Variants in ASPSCR1 observed in about 807,000 individuals in gnomAD.
ASPSCR1 encodes the protein ASPSCR1 tether for SLC2A4, UBX domain containing.
Under a neutral mutation model 68.9 loss-of-function variants are expected in ASPSCR1, and 55 were observed. That is an observed-to-expected ratio of 0.80 (90% CI 0.64 to 1.00). The LOEUF is 1.00. ASPSCR1 is among the 50% of genes least tolerant of loss of function. The probability of loss-of-function intolerance (pLI) is 0.00; values close to 1 mark genes in which losing one functional copy is unlikely to be tolerated. For synonymous variants in ASPSCR1, 352 were observed against 332.6 expected (o/e 1.06, Z -0.63); for missense variants, 765 against 762.2 (o/e 1.00, Z -0.04).
chr17:82,010,028 G>C (rs143947080), intron 9 of ASPSCR1: 8,421 of 335,528 alleles, frequency 0.025, 210 homozygotes, highest in South Asian at 0.058. Context: ...TCCTGCCTCA[G>C]CCTCCCAAGT....
chr17:82,012,891 G>C (rs952149955), intron 12 of ASPSCR1: 1 of 157,362 alleles, frequency 6.4e-6, no homozygotes, highest in African/African-American at 2.4e-5. Flanking sequence ...CAGAAGCAAT[G>C]AATGTCCTGT....
chr17:81,994,207 CCTG>C (rs915324720), intron 4 of ASPSCR1, among the ~76,000 whole-genome samples: 14 of 152,222 alleles, frequency 9.2e-5, no homozygotes, highest in African/African-American at 3.1e-4. Flanking sequence ...AGCTGTGCCT[CCTG>C]CGGGGCGAGG....
intron 15 of ASPSCR1, 70 bp from the exon 16 acceptor site, chr17:82,017,239 G>A (rs1157678042): frequency 1.2e-6 from 2 of 1,602,764 alleles, no homozygotes; most frequent in Non-Finnish European, 1.7e-6. Context: ...GCTTCAGCCG[G>A]GCTGGTGGGC....
chr17:82,010,364 C>G (rs1598430603), intron 9 of ASPSCR1, among the ~76,000 whole-genome samples: 1 of 151,416 alleles, frequency 6.6e-6, no homozygotes. Context: ...CCCATCTCTA[C>G]TAAAAATACA....
At chr17:81,997,967 C>T (rs1157399001) in intron 7 of ASPSCR1, among the ~76,000 whole-genome samples, 1 of 151,970 alleles carries the variant, frequency 6.6e-6, no homozygotes, top group Admixed American at 6.6e-5. Flanking sequence ...GCTGGGACTA[C>T]AGGCGTGTGC....
chr17:82,010,646 G>A (rs954074138), intron 9 of ASPSCR1, among the ~76,000 whole-genome samples, 156 bp from the exon 10 acceptor site: 3 of 152,050 alleles, frequency 2.0e-5, no homozygotes, highest in Admixed American at 6.6e-5. Flanking sequence ...AGCCTGCCAC[G>A]GGGGAGTCAA....
Position 82,011,559 on chromosome 17 carries a change from C to T in ASPSCR1, c.1254C>T (p.Asp418=). The change falls in exon 11 of 16, where the codon GAC becomes GAT. Residue 418 remains aspartate, a synonymous_variant. Coordinates refer to ENST00000306739, the MANE Select transcript of ASPSCR1 (RefSeq NM_024083.4). ...CCTCTGCAGTGGGGGACTTGCGAGA[C>T]TTCGTGAGGAGCCACCTGGGGAACC... is the stretch of plus-strand genomic sequence containing the variant. ...RPSETVGDLR[D]FVRSHLGNPE... 1 of 1,579,080 alleles carries T rather than the reference C, an allele frequency of 6.3e-7. No individual in the cohort carries two copies. Among genetic ancestry groups the T allele is most frequent in the Non-Finnish European group, 8.6e-7 (1 of 1,169,396 alleles).
Position 82,000,783 on chromosome 17 carries a change from G to C in ASPSCR1, c.933+3937G>C, listed in dbSNP as rs1047994750. Among the ~76,000 whole-genome samples, 3 of 152,320 alleles carry C rather than the reference G, an allele frequency of 2.0e-5. No individual in the cohort carries two copies. In the East Asian group the frequency reaches 5.8e-4, roughly 29 times the overall value. ...GGTAGTTTTACTGGCGATCAGAACC[G>C]GGCGCTGGGAGAGGCTGGGGCTGCC... On this transcript the variant is annotated intron_variant, in intron 7 of 15. Transcript: ENST00000306739.
At chr17:81,984,089 G>A (rs2041884413) in intron 3 of ASPSCR1, among the ~76,000 whole-genome samples, 1 of 152,000 alleles carries the variant, frequency 6.6e-6, no homozygotes, top group African/African-American at 2.4e-5. Flanking sequence ...CTGACCTCAT[G>A]ATCTACCCGC....
chr17:82,008,026 A>C (rs1272697485), intron 7 of ASPSCR1: 1 of 152,280 alleles, frequency 6.6e-6, no homozygotes, highest in Non-Finnish European at 1.5e-5. Flanking sequence ...TCCCGTGACA[A>C]GTCATAACAG....
At chr17:82,002,762 T>C (rs2042577910) in intron 7 of ASPSCR1, among the ~76,000 whole-genome samples, 1 of 152,112 alleles carries the variant, frequency 6.6e-6, no homozygotes, top group Non-Finnish European at 1.5e-5. Flanking sequence ...TTTACCATGT[T>C]TGTCAGGCTG....
At chr17:81,995,286 T>G (rs1375053401) in intron 5 of ASPSCR1, 51 of 297,842 alleles carry the variant, frequency 1.7e-4, no homozygotes, top group East Asian at 2.9e-4. Flanking sequence ...TTTGCTGGGG[T>G]GGGGGGGCAC....
chr17:82,008,759 C>A (rs2042808176), intron 7 of ASPSCR1: 1 of 377,598 alleles, frequency 2.6e-6, no homozygotes. Flanking sequence ...GGGCCATGTG[C>A]CCTGCTGGGG....
intron 7 of ASPSCR1, chr17:82,007,046 G>C (rs1466425563): frequency 6.6e-6 from 1 of 152,318 alleles, no homozygotes; most frequent in Non-Finnish European, 1.5e-5. Context: ...TCTGTCATTT[G>C]GTGGCCAAGT....
At chr17:82,000,773 G>T (rs576695915) in intron 7 of ASPSCR1, among the ~76,000 whole-genome samples, 2 of 152,328 alleles carry the variant, frequency 1.3e-5, no homozygotes, top group Admixed American at 6.5e-5. Flanking sequence ...TTTTACTGGC[G>T]ATCAGAACCG....
chr17:81,985,511 G>A lies in ASPSCR1; in HGVS notation c.278G>A (p.Arg93His), dbSNP rs149772045. 82 of 1,613,842 alleles carry A rather than the reference G, an allele frequency of 5.1e-5. No individual in the cohort carries two copies. The highest frequency in any genetic ancestry group is 8.3e-5 in the Admixed American group (5 of 60,014). The change falls in exon 4 of 16, where the codon CGC becomes CAC. Residue 93 changes from arginine (R) to histidine (H), a missense_variant. Transcript: ENST00000306739. ...RSREGPENMV[R>H]IALQLDDGSR... ...CTCATGTCTTATACCCTCCAGGTTC[G>A]CATCGCTTTGCAGCTGGACGATGGC...
At chr17:81,991,976 C>A (rs115138014) in intron 4 of ASPSCR1, among the ~76,000 whole-genome samples, 2 of 152,250 alleles carry the variant, frequency 1.3e-5, no homozygotes, top group East Asian at 3.8e-4. Flanking sequence ...AATATGCCCT[C>A]GAAGCCAGCA....
At chr17:82,011,298 C>T (rs979674112) in intron 10 of ASPSCR1, among the ~76,000 whole-genome samples, 2 of 3,124 alleles carry the variant, frequency 6.4e-4, no homozygotes, top group Non-Finnish European at 1.2e-3. Flanking sequence ...TAGGCTGGGG[C>T]GGGGGTGGGG....
Position 82,017,083 on chromosome 17 carries a change from G to T in ASPSCR1, c.1618G>T (p.Gly540Cys). ...GTAQPVKRSL[G>C]KVPKWLKLPA... ...GGCCCAGCCCGTGAAGAGGAGCCTG[G>T]GCAAGGTGCCCAAGTGGCTGAAGCT... Residue 540 changes from glycine to cysteine, a missense_variant, in exon 15 of 16, where the codon GGC (glycine) becomes TGC (cysteine). Transcript: ENST00000306739. The T allele has an allele frequency of 1.2e-6, 2 of 1,605,576 alleles. No homozygotes were observed.
Sources: gnomAD v4.1 joint callset for allele counts (sites outside exome capture counted in the v4.1 genomes callset) on GRCh38, gnomAD v4.1.1 for gene constraint, MANE v1.5 for transcripts, NCBI Gene and HGNC (gene_info 2026-07-23, HGNC 2026-07-21) for gene names.